Variants in PCDHGB4 observed in about 807,000 individuals in gnomAD.
PCDHGB4 encodes protocadherin gamma-B4.
In PCDHGB4, 38 loss-of-function variants were observed where a neutral mutation model predicts 60.5. That is an observed-to-expected ratio of 0.63 (90% CI 0.48 to 0.82). The LOEUF is 0.82. PCDHGB4 is among the 40% of genes least tolerant of loss of function. The pLI, the probability that PCDHGB4 is intolerant of heterozygous loss-of-function variation, is 0.00. For missense variants in PCDHGB4, 1,109 were observed against 1,209.6 expected, an observed-to-expected ratio of 0.92 and a Z score of 1.23; for synonymous variants, 456 against 509.7, an observed-to-expected ratio of 0.89 and a Z score of 1.42.
In PCDHGB4 at chr5:141,493,364, TTGGAAC is replaced by T. The variant is rs1405602213; in HGVS notation, c.2398-1441_2398-1436del. Among the ~76,000 whole-genome samples, 1 of 152,184 alleles carries T rather than the reference TTGGAAC, an allele frequency of 6.6e-6. No homozygotes were observed. Among genetic ancestry groups the T allele is most frequent in the South Asian group, 2.1e-4 (1 of 4,824 alleles). On this transcript the variant is annotated intron_variant, in intron 1 of 3. Coordinates refer to ENST00000519479, the MANE Select transcript of PCDHGB4 (RefSeq NM_003736.4). The surrounding 1 kb of genome is among the most constrained non-coding windows in gnomAD (Gnocchi z 4.3). Reference sequence around the variant, plus strand: ...ATGTGTGCTTTTAATTTCTTGGCACTTGGAACTTTAAAAGCTTGAGGACAGGAGAGG... The same window carrying T: ...ATGTGTGCTTTTAATTTCTTGGCACTTTTAAAAGCTTGAGGACAGGAGAGG...
chr5:141,404,995 T>A (rs1561697585), intron 1 of PCDHGB4: 1 of 1,614,008 alleles, frequency 6.2e-7, no homozygotes, highest in Non-Finnish European at 8.5e-7. Context: ...TTCAGATCCC[T>A]GCAGACCTGG....
At chr5:141,434,453 T>C (rs1172243323) in intron 1 of PCDHGB4, among the ~76,000 whole-genome samples, 1 of 152,226 alleles carries the variant, frequency 6.6e-6, no homozygotes, top group Non-Finnish European at 1.5e-5. Context: ...TGGAAGGTAG[T>C]GGGTTTACCG....
intron 1 of PCDHGB4, among the ~76,000 whole-genome samples, chr5:141,472,815 C>T (rs1562036829): frequency 1.3e-5 from 2 of 151,596 alleles, no homozygotes; most frequent in East Asian, 1.9e-4. Flanking sequence ...GAGAAACCCC[C>T]GTCTCTACTA....
rs1196083589 is a variant in PCDHGB4, at chr5:141,486,525, A to G, written c.2398-8282A>G. On this transcript the variant is annotated intron_variant, in intron 1 of 3. Coordinates refer to ENST00000519479, the MANE Select transcript of PCDHGB4 (RefSeq NM_003736.4). This position sits in a 1 kb window ranked among gnomAD's most constrained non-coding sequence, Gnocchi z 5.0. ...CTCAATATTTCAGATGTGAATGATA[A>G]TCCACCCTCTTTCTTTCAGAGGTCA... 1 of 1,614,158 alleles carries G rather than the reference A, an allele frequency of 6.2e-7. No individual in the cohort carries two copies. Among genetic ancestry groups the G allele is most frequent in the African/African-American group, 1.3e-5 (1 of 75,054 alleles).
At chr5:141,457,062 T>C (rs1168687034) in intron 1 of PCDHGB4, among the ~76,000 whole-genome samples, 1 of 152,232 alleles carries the variant, frequency 6.6e-6, no homozygotes, top group Non-Finnish European at 1.5e-5. Context: ...GCTTCCTTTT[T>C]GCCAGTAACT....
At chr5:141,437,013 A>G (rs570721163) in intron 1 of PCDHGB4, among the ~76,000 whole-genome samples, 146 of 152,354 alleles carry the variant, frequency 9.6e-4, no homozygotes, top group Non-Finnish European at 1.2e-3. Flanking sequence ...ATCTTAGATA[A>G]TTTCACCAGA....
chr5:141,388,588 C>T lies in PCDHGB4; in HGVS notation c.704C>T (p.Ala235Val). 6.2e-7 allele frequency: 1 copy of T among 1,613,876 alleles called. No homozygotes were observed. Among genetic ancestry groups the T allele is most frequent in the Non-Finnish European group, 8.5e-7 (1 of 1,179,870 alleles). ...TAQIHVLVTD[A>V]NDNAPVFSQD... ...CAGATACACGTTCTAGTGACTGATG[C>T]CAATGATAATGCTCCAGTGTTCAGT... The change falls in exon 1 of 4, where the codon GCC (alanine) becomes GTC (valine). Residue 235 changes from alanine (A) to valine (V), a missense_variant. Physicochemically the swap from Ala to Val is moderately conservative, Grantham distance 64. This residue lies in a region of PCDHGB4 where 1,068 missense variants were observed against 1,089.9 expected (regional missense o/e 0.98). Transcript: ENST00000519479.
intron 1 of PCDHGB4, among the ~76,000 whole-genome samples, chr5:141,466,724 A>G (rs2099128017): frequency 6.6e-6 from 1 of 152,148 alleles, no homozygotes. Flanking sequence ...TTTCCATTTT[A>G]GCAGAATTCA....
chr5:141,494,643 AG>A, intron 1 of PCDHGB4, 163 bp from the exon 2 acceptor site: 1 of 928,048 alleles, frequency 1.1e-6, no homozygotes, highest in Non-Finnish European at 1.3e-6. Flanking sequence ...CTGAGACCTG[AG>A]GTGTATTTTG....
intron 1 of PCDHGB4, chr5:141,428,224 G>A (rs1232582892): frequency 1.7e-6 from 2 of 1,164,198 alleles, no homozygotes; most frequent in Non-Finnish European, 1.3e-6. Flanking sequence ...AGTCTTCGCA[G>A]ACAGCCTGCA....
Position 141,432,097 on chromosome 5 carries a change from C to A in PCDHGB4, c.2397+41816C>A. The A allele has an allele frequency of 1.9e-6, 3 of 1,614,184 alleles. No individual in the cohort carries two copies. Among genetic ancestry groups the A allele is most frequent in the Non-Finnish European group, 1.7e-6 (2 of 1,180,034 alleles). On this transcript the variant is annotated intron_variant, in intron 1 of 3. Transcript: ENST00000519479. This position sits in a 1 kb window ranked among gnomAD's most constrained non-coding sequence, Gnocchi z 6.0. ...TCTCGCTGAACGTGGCAGACACCAA[C>A]GACAACCCGCCGGTCTTCCCTCAGG...
At chr5:141,393,094 A>T in intron 1 of PCDHGB4, 4 of 1,613,606 alleles carry the variant, frequency 2.5e-6, no homozygotes, top group Non-Finnish European at 3.4e-6. Flanking sequence ...GATCGGGAGG[A>T]GCTCTGCGCT....
At chr5:141,484,347 T>C (rs569724902) in intron 1 of PCDHGB4, among the ~76,000 whole-genome samples, 2 of 152,302 alleles carry the variant, frequency 1.3e-5, no homozygotes, top group East Asian at 1.9e-4. Flanking sequence ...AATGGTAATT[T>C]AGTGTATCTA....
At chr5:141,417,770 T>G in intron 1 of PCDHGB4, 1 of 1,456,418 alleles carries the variant, frequency 6.9e-7, no homozygotes, top group Non-Finnish European at 9.1e-7. Context: ...CCGGGACTCC[T>G]CCTGTCCTGG....
chr5:141,494,778 C>CA, intron 1 of PCDHGB4, 29 bp from the exon 2 acceptor site: 1 of 1,614,086 alleles, frequency 6.2e-7, no homozygotes, highest in Non-Finnish European at 8.5e-7. Context: ...CACGGGTACT[C>CA]AGCCCCTTTC....
At chr5:141,393,447 C>T (rs753693736) in intron 1 of PCDHGB4, 3 of 1,614,052 alleles carry the variant, frequency 1.9e-6, no homozygotes, top group East Asian at 4.5e-5. Context: ...CCACCTGGTC[C>T]TCACGGCCTC....
chr5:141,403,697 G>A (rs1230785832), intron 1 of PCDHGB4: 5 of 1,613,830 alleles, frequency 3.1e-6, no homozygotes, highest in Admixed American at 1.7e-5. Context: ...GATTTACCGA[G>A]TTAAAGTCCT....
chr5:141,439,568 A>G (rs2098121048), intron 1 of PCDHGB4, among the ~76,000 whole-genome samples: 1 of 152,208 alleles, frequency 6.6e-6, no homozygotes, highest in Non-Finnish European at 1.5e-5. Context: ...GTTCTAGAGT[A>G]GGGACTCAGA....
intron 1 of PCDHGB4, among the ~76,000 whole-genome samples, chr5:141,484,160 T>C (rs1451052819): frequency 2.6e-5 from 4 of 152,210 alleles, no homozygotes; most frequent in African/African-American, 7.2e-5. Flanking sequence ...CACAATGCTG[T>C]TGGTAGCTGA....
Sources: gnomAD v4.1 joint callset for allele counts (sites outside exome capture counted in the v4.1 genomes callset) on GRCh38, gnomAD v4.1.1 for gene constraint, gnomAD v4.1.1 regional missense constraint, Gnocchi (gnomAD v3.1) non-coding constraint, MANE v1.5 for transcripts, NCBI Gene and HGNC (gene_info 2026-07-23, HGNC 2026-07-21) for gene names.